The following PTPRD variants were observed in gnomAD, a reference collection of about 807,000 sequenced individuals.
PTPRD encodes the protein protein tyrosine phosphatase receptor type D.
In PTPRD, 34 loss-of-function variants were observed where a neutral mutation model predicts 214.5. The ratio of observed to expected loss-of-function variants is 0.16; its 90% CI spans 0.12 to 0.21. PTPRD has a LOEUF of 0.21. PTPRD is among the 10% of genes least tolerant of loss of function. The pLI is 1.00. For missense variants in PTPRD, 2,545 were observed against 2,398.7 expected (o/e 1.06, Z -1.27); for synonymous variants, 1,128 against 845.7 (o/e 1.33, Z -5.79).
At chr9:10,506,605 G>T (rs577750349) in intron 2 of PTPRD, among the ~76,000 whole-genome samples, 17 of 152,080 alleles carry the variant, frequency 1.1e-4, no homozygotes, top group African/African-American at 3.9e-4. Flanking sequence ...CACCTACTAT[G>T]TATTCACACA....
intron 12 of PTPRD, among the ~76,000 whole-genome samples, chr9:8,719,534 A>C (rs1250471619): frequency 6.6e-6 from 1 of 152,226 alleles, no homozygotes; most frequent in Non-Finnish European, 1.5e-5. Flanking sequence ...GCAGGTGAGT[A>C]AGGTCAAAAG....
At chr9:10,103,391 ATATT>A (rs375121366) in intron 3 of PTPRD, among the ~76,000 whole-genome samples, 3,540 of 141,640 alleles carry the variant, frequency 0.025, 265 homozygotes, top group Middle Eastern at 0.073. Context: ...ATATATATAT[ATATT>A]TATTTAAGAG....
At chr9:9,217,548 T>A (rs973568998) in intron 9 of PTPRD, among the ~76,000 whole-genome samples, 4 of 151,862 alleles carry the variant, frequency 2.6e-5, no homozygotes, top group Non-Finnish European at 4.4e-5. Context: ...CTATGTCGGA[T>A]CCTTTATCCA....
chr9:9,621,782 C>T (rs982905641), intron 7 of PTPRD, among the ~76,000 whole-genome samples: 4 of 152,144 alleles, frequency 2.6e-5, no homozygotes, highest in Admixed American at 6.5e-5. Context: ...CATGCTCAGC[C>T]GGCAGCTCTG....
chr9:10,205,541 G>C (rs758204724), intron 3 of PTPRD, among the ~76,000 whole-genome samples: 3 of 152,010 alleles, frequency 2.0e-5, no homozygotes, highest in African/African-American at 7.2e-5. Context: ...AAGTAGCTGA[G>C]ATTACAGGTG....
chr9:9,786,008 T>G (rs1463982309), intron 5 of PTPRD, among the ~76,000 whole-genome samples: 1 of 152,212 alleles, frequency 6.6e-6, no homozygotes, highest in African/African-American at 2.4e-5. Flanking sequence ...TTATTCACTA[T>G]CCTGGTTTTT....
intron 44 of PTPRD, among the ~76,000 whole-genome samples, chr9:8,329,662 ATCTGTAAGTAAG>A (rs1837729374): frequency 6.6e-6 from 1 of 152,016 alleles, no homozygotes; most frequent in Non-Finnish European, 1.5e-5. Flanking sequence ...TGGGGGTTTT[ATCTGTAAGTAAG>A]TCTGTGATTG....
At chr9:9,875,699 T>C (rs1217735697) in intron 5 of PTPRD, among the ~76,000 whole-genome samples, 1 of 152,152 alleles carries the variant, frequency 6.6e-6, no homozygotes, top group South Asian at 2.1e-4. Flanking sequence ...GGATCCATGC[T>C]CTAGACAGCT....
intron 17 of PTPRD, among the ~76,000 whole-genome samples, chr9:8,526,281 A>AT (rs1157817734): frequency 6.6e-6 from 1 of 151,050 alleles, no homozygotes; most frequent in African/African-American, 2.4e-5. Context: ...AAAAAAAAAA[A>AT]GAAAAAGGAA....
intron 4 of PTPRD, among the ~76,000 whole-genome samples, chr9:10,025,705 A>G (rs1014586569): frequency 5.9e-5 from 9 of 152,188 alleles, no homozygotes; most frequent in Non-Finnish European, 1.3e-4. Context: ...AGAAAATAAG[A>G]AATTGGATGA....
At chr9:8,473,454 G>A (rs536972557) in intron 30 of PTPRD, among the ~76,000 whole-genome samples, 5 of 152,248 alleles carry the variant, frequency 3.3e-5, no homozygotes, top group South Asian at 2.1e-4. Flanking sequence ...GCAACTGAGC[G>A]TACAAAATCA....
chr9:9,403,290 C>CAAAAAAAAAAAAAAAAAAAA (rs56105335), intron 8 of PTPRD, among the ~76,000 whole-genome samples: 30 of 60,654 alleles, frequency 4.9e-4, no homozygotes, highest in African/African-American at 1.8e-3. Flanking sequence ...TACTCTGTCT[C>CAAAAAAAAAAAAAAAAAAAA]AAAAAAAAAA....
intron 4 of PTPRD, among the ~76,000 whole-genome samples, chr9:9,974,590 C>T (rs548078916): frequency 6.6e-6 from 1 of 152,282 alleles, no homozygotes; most frequent in East Asian, 1.9e-4. Context: ...AATTACCCCA[C>T]TAATTTCCGG....
chr9:10,597,105 A>G (rs2076803767), intron 2 of PTPRD, among the ~76,000 whole-genome samples: 2 of 151,268 alleles, frequency 1.3e-5, no homozygotes, highest in African/African-American at 4.8e-5. Context: ...TATTTCACAT[A>G]TATATATTTC....
At chr9:10,013,364 A>G (rs187593291) in intron 4 of PTPRD, among the ~76,000 whole-genome samples, 11 of 152,084 alleles carry the variant, frequency 7.2e-5, no homozygotes, top group Non-Finnish European at 1.5e-5. Flanking sequence ...TAAGTAAATG[A>G]ATATTCCATT....
At chr9:8,852,480 T>C (rs144364323) in intron 11 of PTPRD, among the ~76,000 whole-genome samples, 2 of 152,300 alleles carry the variant, frequency 1.3e-5, no homozygotes, top group African/African-American at 2.4e-5. Flanking sequence ...GGCTCTTACA[T>C]TTTGTTGTAA....
At chr9:8,366,574 A>G (rs943276104) in intron 39 of PTPRD, among the ~76,000 whole-genome samples, 14 of 152,220 alleles carry the variant, frequency 9.2e-5, no homozygotes, top group African/African-American at 2.9e-4. Context: ...TGTCCCAGAA[A>G]TCTGAACCCT....
At chr9:9,103,203 T>A (rs886688525) in intron 10 of PTPRD, among the ~76,000 whole-genome samples, 7 of 152,176 alleles carry the variant, frequency 4.6e-5, no homozygotes, top group Non-Finnish European at 8.8e-5. Flanking sequence ...TAATTAATAT[T>A]ATTTTCTAAT....
intron 12 of PTPRD, among the ~76,000 whole-genome samples, chr9:8,648,381 C>T (rs1321772671): frequency 1.3e-5 from 2 of 152,122 alleles, no homozygotes; most frequent in Non-Finnish European, 2.9e-5. Context: ...TGGTGTAAGA[C>T]ACTCAAAATA....
Sources: allele counts gnomAD v4.1 joint callset (sites outside exome capture counted in the v4.1 genomes callset), GRCh38; gene constraint gnomAD v4.1.1; transcripts MANE v1.5; gene names NCBI Gene and HGNC (gene_info 2026-07-23, HGNC 2026-07-21).